The following SYNE1 variants were observed in gnomAD, a reference collection of about 807,000 sequenced individuals.
SYNE1 encodes nesprin-1.
SYNE1 carries 616 observed loss-of-function variants against 1,111.0 expected under a neutral mutation model. The ratio of observed to expected loss-of-function variants is 0.55; its 90% CI spans 0.52 to 0.59. The LOEUF is 0.59. SYNE1 is among the 20% of genes least tolerant of loss of function. The pLI is 0.00. For missense variants in SYNE1, 10,006 were observed against 10,417.0 expected, an observed-to-expected ratio of 0.96 and a Z score of 1.72; for synonymous variants, 3,855 against 3,825.8, an observed-to-expected ratio of 1.01 and a Z score of -0.28.
chr6:152,565,863 T>C (rs2099411843), intron 3 of SYNE1, among the ~76,000 whole-genome samples: 1 of 152,158 alleles, frequency 6.6e-6, no homozygotes, highest in South Asian at 2.1e-4. Context: ...GTTTAAAAGT[T>C]AGAATAAACA....
chr6:152,308,935 A>G (rs761595240), intron 90 of SYNE1, among the ~76,000 whole-genome samples: 37 of 152,220 alleles, frequency 2.4e-4, no homozygotes, highest in Non-Finnish European at 3.7e-4. Context: ...AGGGTGAAGC[A>G]GTGTGGGAAA....
intron 95 of SYNE1, among the ~76,000 whole-genome samples, chr6:152,285,938 T>G (rs1232882140): frequency 1.3e-5 from 2 of 152,216 alleles, no homozygotes; most frequent in Non-Finnish European, 2.9e-5. Context: ...GAGCGGCAAC[T>G]ATGATTTCAA....
At chr6:152,225,207 A>T (rs940954849) in intron 116 of SYNE1, among the ~76,000 whole-genome samples, 2 of 151,832 alleles carry the variant, frequency 1.3e-5, no homozygotes, top group Non-Finnish European at 2.9e-5. Flanking sequence ...ATTTGAATAC[A>T]GGTAGTCAGG....
Position 152,330,833 on chromosome 6 carries a change from G to C in SYNE1, c.13852C>G (p.Leu4618Val). Reference sequence around the variant, plus strand: ...CCAGTTCTCTGCAGCGTAAGTAGAAGATTTTCATATTCTGGAGATTGTTCA... The same window carrying C: ...CCAGTTCTCTGCAGCGTAAGTAGAACATTTTCATATTCTGGAGATTGTTCA... The part of the protein sequence containing the change: ...ILEQSPEYEN[L>V]LLTLQRTGQT... The change falls in exon 78 of 146, where the codon CTT becomes GTT. Residue 4618 changes from leucine to valine, a missense_variant. Leu to Val is a conservative substitution (Grantham distance 32). Coordinates refer to ENST00000367255, the MANE Select transcript of SYNE1 (RefSeq NM_182961.4). 1 of 1,614,074 alleles carries C rather than the reference G, an allele frequency of 6.2e-7. No individual in the cohort carries two copies. Among genetic ancestry groups the C allele is most frequent in the Non-Finnish European group, 8.5e-7 (1 of 1,180,024 alleles).
intron 135 of SYNE1, 71 bp from the exon 136 acceptor site, chr6:152,149,739 A>G (rs2060099506): frequency 7.5e-7 from 1 of 1,341,344 alleles, no homozygotes; most frequent in Non-Finnish European, 1.1e-6. Flanking sequence ...ATCATAATAG[A>G]TGTATTTCTC....
Position 152,455,521 on chromosome 6 carries a change from C to G in SYNE1, c.2797G>C (p.Glu933Gln), listed in dbSNP as rs1183382009. The G allele has an allele frequency of 6.2e-7, 1 of 1,614,160 alleles. No individual in the cohort carries two copies. Among genetic ancestry groups the G allele is most frequent in the East Asian group, 2.2e-5 (1 of 44,876 alleles). The change falls in exon 24 of 146, where the codon GAG becomes CAG. Residue 933 changes from glutamate (E) to glutamine (Q), a missense_variant. This residue lies in a region of SYNE1 where 1,971 missense variants were observed against 2,084.1 expected (regional missense o/e 0.95). Transcript: ENST00000367255. Reference sequence around the variant, plus strand: ...TTCTCCAACTCTGCTCGAGACTCCTCAAACTTCTTCATCAAGCGACTGTTG... The same window carrying G: ...TTCTCCAACTCTGCTCGAGACTCCTGAAACTTCTTCATCAAGCGACTGTTG... Reference protein sequence around the residue: ...ETNSRLMKKFEESRAELEKVL... With the variant: ...ETNSRLMKKFQESRAELEKVL...
intron 13 of SYNE1, 127 bp downstream of exon 13, chr6:152,484,708 T>G: frequency 1.0e-6 from 1 of 975,252 alleles, no homozygotes; most frequent in East Asian, 2.6e-5. Flanking sequence ...CTCCCATAGT[T>G]AAGTCTTTCT....
Position 152,366,654 on chromosome 6 carries a change from T to C in SYNE1, c.9972+564A>G, listed in dbSNP as rs144317090. On this transcript the variant is annotated intron_variant, in intron 62 of 145. Transcript: ENST00000367255. ...AATACATCTGCATCTGTGGTTGTTGTCTTCTATATTTCGACCTCCAACTTC... is the reference window on the plus strand; with the variant it reads ...AATACATCTGCATCTGTGGTTGTTGCCTTCTATATTTCGACCTCCAACTTC... 2.7e-3 allele frequency among the ~76,000 whole-genome samples: 404 copies of C among 152,330 alleles called. 2 individuals are homozygous for C. Among genetic ancestry groups the C allele is most frequent in the South Asian group, 0.021 (102 of 4,826 alleles).
chr6:152,190,871 C>A (rs56012991), intron 127 of SYNE1, among the ~76,000 whole-genome samples: 2 of 152,202 alleles, frequency 1.3e-5, no homozygotes, highest in African/African-American at 2.4e-5. Context: ...AGAGGAAAGG[C>A]TTTCAGTTTT....
intron 3 of SYNE1, among the ~76,000 whole-genome samples, chr6:152,605,466 T>G (rs997906435): frequency 2.0e-5 from 3 of 152,240 alleles, no homozygotes; most frequent in Non-Finnish European, 2.9e-5. Flanking sequence ...ATCAATAATC[T>G]GACCCACATC....
At chr6:152,135,972 C>T (rs1048634397) in intron 141 of SYNE1, among the ~76,000 whole-genome samples, 3 of 152,202 alleles carry the variant, frequency 2.0e-5, no homozygotes, top group African/African-American at 7.2e-5. Flanking sequence ...TAAGTCCTTT[C>T]CTGCTTCTGG....
chr6:152,572,692 G>A (rs11968801), intron 3 of SYNE1, among the ~76,000 whole-genome samples: 2,805 of 152,218 alleles, frequency 0.018, 93 homozygotes, highest in African/African-American at 0.064. Flanking sequence ...ACTCACTTTC[G>A]CTAGGGATGA....
At chr6:152,166,199 G>A (rs1325627430) in intron 130 of SYNE1, among the ~76,000 whole-genome samples, 28 of 152,114 alleles carry the variant, frequency 1.8e-4, no homozygotes, top group Admixed American at 1.8e-3. Context: ...TCTCCTCCAT[G>A]GTAACTTCCT....
At position 152,387,233 on chromosome 6, in the gene SYNE1, G is replaced by A. The variant is rs750210741; in HGVS notation, c.8326C>T (p.Leu2776Phe). ...TCTGCCTCAGACAGGATGGACTGGA[G>A]GTGGTCAAGCAGGACGAACTTCTCT... ...LKEKFVLLDH[L>F]QSILSEAEDH... The change falls in exon 54 of 146, where the codon CTC (leucine) becomes TTC (phenylalanine). Residue 2776 changes from leucine to phenylalanine, a missense_variant. Physicochemically the swap from Leu to Phe is conservative, Grantham distance 22 (BLOSUM62 0). Transcript: ENST00000367255. 3.0e-5 allele frequency: 48 copies of A among 1,614,078 alleles called. No homozygotes were observed. Among genetic ancestry groups the A allele is most frequent in the Non-Finnish European group, 4.1e-5 (48 of 1,180,042 alleles).
rs925892033 is a variant in SYNE1 at position 152,451,143 on chromosome 6, C to G, written c.3090G>C (p.Arg1030Ser). 6.2e-7 allele frequency: 1 copy of G among 1,613,964 alleles called. No homozygotes were observed. ...LHLKIDVEKNRFLASVEECRT... is the reference protein window; with the variant it reads ...LHLKIDVEKNSFLASVEECRT... ...TGCATTCTTCTACAGAGGCTAAGAA[C>G]CTATTCTTCTCCACATCAATCTTCA... Residue 1030 changes from arginine to serine, a missense_variant, in exon 26 of 146, where the codon AGG becomes AGC. By Grantham distance (110) the Arg-to-Ser change is moderately radical. This residue lies in a region of SYNE1 where 1,971 missense variants were observed against 2,084.1 expected (regional missense o/e 0.95). Coordinates refer to ENST00000367255, the MANE Select transcript of SYNE1 (RefSeq NM_182961.4).
At chr6:152,561,416 C>T (rs1399769917) in intron 3 of SYNE1, among the ~76,000 whole-genome samples, 1 of 151,742 alleles carries the variant, frequency 6.6e-6, no homozygotes, top group Non-Finnish European at 1.5e-5. Flanking sequence ...AGCATTGATG[C>T]AAAAAACTGA....
intron 37 of SYNE1, 102 bp downstream of exon 37, chr6:152,428,103 C>T (rs998038800): frequency 4.8e-5 from 71 of 1,488,500 alleles, no homozygotes; most frequent in South Asian, 1.7e-4. Flanking sequence ...CACAAGTTCA[C>T]GTCTTTTGCA....
At chr6:152,524,341 G>T (rs1403574799) in intron 5 of SYNE1, among the ~76,000 whole-genome samples, 1 of 152,024 alleles carries the variant, frequency 6.6e-6, no homozygotes, top group Non-Finnish European at 1.5e-5. Context: ...TTTGTATGAT[G>T]TATCACATTT....
At chr6:152,269,551 C>T (rs905869583) in intron 98 of SYNE1, among the ~76,000 whole-genome samples, 14 of 152,152 alleles carry the variant, frequency 9.2e-5, no homozygotes, top group African/African-American at 3.1e-4. Context: ...TTTTAGCTGA[C>T]CAATGTGGTC....
Sources: allele counts gnomAD v4.1 joint callset (sites outside exome capture counted in the v4.1 genomes callset), GRCh38; gene constraint gnomAD v4.1.1; regional missense constraint gnomAD v4.1.1; transcripts MANE v1.5; gene names NCBI Gene and HGNC (gene_info 2026-07-23, HGNC 2026-07-21).